Variants in DRC11 observed in about 807,000 individuals in gnomAD.
The protein encoded by DRC11 is IQ and AAA domain-containing protein 1.
chr2:236,323,646 T>C, the DRC11 span, among the ~76,000 whole-genome samples: 1 of 152,212 alleles, frequency 6.6e-6, no homozygotes, highest in Non-Finnish European at 1.5e-5. The surrounding 1 kb of genome is among the most constrained non-coding windows in gnomAD (Gnocchi z 6.4). Flanking sequence ...AAAACCTGGA[T>C]GCCTGACCTG....
the DRC11 span, among the ~76,000 whole-genome samples, chr2:236,422,724 A>T: frequency 2.0e-5 from 3 of 152,210 alleles, no homozygotes; most frequent in African/African-American, 4.8e-5. Flanking sequence ...ATGGAACCAA[A>T]AAGGAGCCCG....
At chr2:236,494,650 A>AT in the DRC11 span, among the ~76,000 whole-genome samples, 5 of 151,380 alleles carry the variant, frequency 3.3e-5, no homozygotes, top group Non-Finnish European at 7.4e-5. This position sits in a 1 kb window ranked among gnomAD's most constrained non-coding sequence, Gnocchi z 4.2. Flanking sequence ...TGGCTACCTT[A>AT]TTTTTTTTTC....
At chr2:236,430,787 T>G in the DRC11 span, among the ~76,000 whole-genome samples, 1 of 152,246 alleles carries the variant, frequency 6.6e-6, no homozygotes, top group Non-Finnish European at 1.5e-5. The surrounding 1 kb of genome is among the most constrained non-coding windows in gnomAD (Gnocchi z 6.0). Flanking sequence ...GCCAGCAGTG[T>G]AGGAGTGGCC....
At chr2:236,497,109 T>C in the DRC11 span, 4 of 1,327,116 alleles carry the variant, frequency 3.0e-6, no homozygotes. This position sits in a 1 kb window ranked among gnomAD's most constrained non-coding sequence, Gnocchi z 5.1. Context: ...ATCGGGTACA[T>C]ATCTTATTTA....
the DRC11 span, among the ~76,000 whole-genome samples, chr2:236,436,656 T>G: frequency 6.6e-6 from 1 of 152,158 alleles, no homozygotes; most frequent in Admixed American, 6.5e-5. Flanking sequence ...CCTGACTAAG[T>G]TTCTGAGCAC....
chr2:236,326,408 G>A, the DRC11 span, among the ~76,000 whole-genome samples: 1 of 151,778 alleles, frequency 6.6e-6, no homozygotes, highest in African/African-American at 2.4e-5. Context: ...TTGTTTTTTT[G>A]TGCTGACTAT....
the DRC11 span, chr2:236,324,621 C>G: frequency 1.1e-6 from 1 of 934,024 alleles, no homozygotes; most frequent in South Asian, 1.4e-5. This position sits in a 1 kb window ranked among gnomAD's most constrained non-coding sequence, Gnocchi z 5.7. Context: ...CTCTCCATCC[C>G]AGAGAGACTC....
At chr2:236,308,569 A>G in the DRC11 span, among the ~76,000 whole-genome samples, 8 of 152,350 alleles carry the variant, frequency 5.3e-5, no homozygotes, top group East Asian at 1.5e-3. This position sits in a 1 kb window ranked among gnomAD's most constrained non-coding sequence, Gnocchi z 6.0. Flanking sequence ...CTCTGTGGCC[A>G]GTGTGGGGGC....
At chr2:236,376,426 T>A in the DRC11 span, among the ~76,000 whole-genome samples, 1 of 152,212 alleles carries the variant, frequency 6.6e-6, no homozygotes, top group African/African-American at 2.4e-5. This position sits in a 1 kb window ranked among gnomAD's most constrained non-coding sequence, Gnocchi z 5.7. Context: ...AGGTTCACTG[T>A]ATATTAGGTA....
chr2:236,473,782 A>C, the DRC11 span, among the ~76,000 whole-genome samples: 3 of 140,574 alleles, frequency 2.1e-5, no homozygotes, highest in Non-Finnish European at 3.1e-5. This position sits in a 1 kb window ranked among gnomAD's most constrained non-coding sequence, Gnocchi z 4.8. Flanking sequence ...ACAATATCCA[A>C]AAAAAAAAAA....
chr2:236,337,950 G>A, the DRC11 span, among the ~76,000 whole-genome samples: 1 of 152,190 alleles, frequency 6.6e-6, no homozygotes, highest in Admixed American at 6.5e-5. The surrounding 1 kb of genome is among the most constrained non-coding windows in gnomAD (Gnocchi z 4.9). Context: ...CACTGTCAGG[G>A]CCAGAAATCA....
chr2:236,491,147 TATATACAC>T, the DRC11 span, among the ~76,000 whole-genome samples: 56 of 77,668 alleles, frequency 7.2e-4, 3 homozygotes, highest in African/African-American at 2.8e-3. Context: ...ATACAGTATA[TATATACAC>T]ACAGTATATA....
the DRC11 span, among the ~76,000 whole-genome samples, chr2:236,502,254 C>T: frequency 6.6e-6 from 1 of 151,930 alleles, no homozygotes; most frequent in Admixed American, 6.5e-5. Flanking sequence ...ACTGCAAAAT[C>T]CAAGGAAATC....
At chr2:236,431,788 T>A in the DRC11 span, among the ~76,000 whole-genome samples, 1 of 152,220 alleles carries the variant, frequency 6.6e-6, no homozygotes. This position sits in a 1 kb window ranked among gnomAD's most constrained non-coding sequence, Gnocchi z 4.2. Context: ...CCAAATAATA[T>A]AAAGTTGCAT....
the DRC11 span, among the ~76,000 whole-genome samples, chr2:236,416,808 T>C: frequency 7.1e-6 from 1 of 141,614 alleles, no homozygotes; most frequent in Non-Finnish European, 1.5e-5. Context: ...TCACTCAGGC[T>C]GGAGTGCAGT....
At chr2:236,326,341 G>A in the DRC11 span, among the ~76,000 whole-genome samples, 1 of 152,080 alleles carries the variant, frequency 6.6e-6, no homozygotes, top group Non-Finnish European at 1.5e-5. Flanking sequence ...ATTAATGAAG[G>A]TCAGTGTCTT....
chr2:236,459,526 CATGT>C, the DRC11 span, among the ~76,000 whole-genome samples: 91 of 76,298 alleles, frequency 1.2e-3, no homozygotes, highest in African/African-American at 3.6e-3. Context: ...TACATGTATA[CATGT>C]ATACGTATAC....
chr2:236,501,516 C>T, the DRC11 span, among the ~76,000 whole-genome samples: 1 of 152,170 alleles, frequency 6.6e-6, no homozygotes, highest in Non-Finnish European at 1.5e-5. Context: ...CTCAAATAGA[C>T]AAGCAGGAGG....
chr2:236,450,201 G>GT, the DRC11 span, among the ~76,000 whole-genome samples: 1 of 151,858 alleles, frequency 6.6e-6, no homozygotes, highest in South Asian at 2.1e-4. Flanking sequence ...AATTTTTACA[G>GT]TGGAATGGGT....
Sources: allele counts gnomAD v4.1 joint callset (sites outside exome capture counted in the v4.1 genomes callset), GRCh38; gene constraint gnomAD v4.1.1; non-coding constraint Gnocchi (gnomAD v3.1); transcripts MANE v1.5; gene names NCBI Gene and HGNC (gene_info 2026-07-23, HGNC 2026-07-21).